ADAMTSL5: variants seen among roughly 807,000 people sequenced by gnomAD.
ADAMTSL5 encodes ADAMTS like 5.
In ADAMTSL5, 53 loss-of-function variants were observed where a neutral mutation model predicts 51.7. That is an observed-to-expected ratio of 1.03 (90% CI 0.82 to 1.29). ADAMTSL5 has a LOEUF of 1.29. Among genes scored for constraint, ADAMTSL5 ranks in the 50% most tolerant of loss-of-function variants. The pLI is 0.00. For missense variants in ADAMTSL5, 770 were observed against 676.2 expected (o/e 1.14, Z -1.54); for synonymous variants, 285 against 278.7 (o/e 1.02, Z -0.23).
At position 1,507,885 on chromosome 19, in the gene ADAMTSL5, A is replaced by C. The variant is rs570611962; in HGVS notation, c.601+113T>G. On this transcript the variant is annotated intron_variant, in intron 7 of 11. Coordinates refer to ENST00000330475, the MANE Select transcript of ADAMTSL5 (RefSeq NM_213604.3). ...TCAGTAGCCAATCAGGATGAGGAGA[A>C]AGGGGGGCTGGGCCGCACACTGGCC... The C allele has an allele frequency of 4.0e-6, 5 of 1,234,904 alleles. No homozygotes were observed. The African/African-American group carries it at 7.5e-5, about 18-fold the overall frequency. 76.5% of individuals were successfully genotyped at this position (1,234,904 alleles called of 1,614,324 possible).
chr19:1,506,123 G>A lies in ADAMTSL5; in HGVS notation c.1308C>T (p.Pro436=), dbSNP rs1294898167. 10 of 1,607,590 alleles carry A rather than the reference G, an allele frequency of 6.2e-6. No homozygotes were observed. The highest frequency in any genetic ancestry group is 2.7e-5 in the African/African-American group (2 of 74,884). The stretch of plus-strand genomic sequence containing the variant: ...GCAGCAGCTGGTCCTGTGTGCCGTC[G>A]GGGCTGACAAGACGCTGGACAGCCA... The part of the protein sequence containing the change: ...YLMAVQRLVS[P]DGTQDQLLLP... The change falls in exon 12 of 12, where the codon CCC becomes CCT. Residue 436 remains proline (P), a synonymous_variant. Coordinates refer to ENST00000330475, the MANE Select transcript of ADAMTSL5 (RefSeq NM_213604.3). This position sits in a 1 kb window ranked among gnomAD's most constrained non-coding sequence, Gnocchi z 5.6.
At position 1,506,082 on chromosome 19, in the gene ADAMTSL5, T is replaced by G; in HGVS notation, c.1349A>C (p.Tyr450Ser). 1 of 1,600,506 alleles carries G rather than the reference T, an allele frequency of 6.2e-7. No individual in the cohort carries two copies. The highest frequency in any genetic ancestry group is 8.5e-7 in the Non-Finnish European group (1 of 1,176,670). The change falls in exon 12 of 12, where the codon TAC becomes TCC. Residue 450 changes from tyrosine to serine, a missense_variant. Coordinates refer to ENST00000330475, the MANE Select transcript of ADAMTSL5 (RefSeq NM_213604.3). This position sits in a 1 kb window ranked among gnomAD's most constrained non-coding sequence, Gnocchi z 5.6. ...QDQLLLPHAG[Y>S]ARPWSPAEDS... ...CTCCGCAGGGCTCCAGGGCCGGGCG[T>G]AGCCGGCGTGGGGCAGCAGCAGCTG...
At position 1,506,786 on chromosome 19, in the gene ADAMTSL5, G is replaced by A; in HGVS notation, c.995C>T (p.Pro332Leu). ...TGCAGGGGTGACAGCAGGGGCTGCG[G>A]GGGGCTGAGGCTCCACCCCCCGGGG... ...PQPRGVEPQPPAAPAVTPAQT... is the reference protein window; with the variant it reads ...PQPRGVEPQPLAAPAVTPAQT... The change falls in exon 10 of 12, where the codon CCC becomes CTC. Residue 332 changes from proline to leucine, a missense_variant. Coordinates refer to ENST00000330475, the MANE Select transcript of ADAMTSL5 (RefSeq NM_213604.3). The surrounding 1 kb of genome is among the most constrained non-coding windows in gnomAD (Gnocchi z 5.6). 6.5e-7 allele frequency: 1 copy of A among 1,542,680 alleles called. No homozygotes were observed. The highest frequency in any genetic ancestry group is 8.7e-7 in the Non-Finnish European group (1 of 1,145,080).
In ADAMTSL5 at chr19:1,506,219, C is replaced by T. The variant is rs762178077; in HGVS notation, c.1212G>A (p.Arg404=). ...QLVYKNRSPL[R]AREYVWAPGH... ...CTGGCGCCCACACGTACTCGCGTGC[C>T]CGCAGTGGCGAGCGGTTCTTGTAGA... is the stretch of plus-strand genomic sequence containing the variant. The change falls in exon 12 of 12, where the codon CGG becomes CGA. Residue 404 remains arginine, a synonymous_variant. Transcript: ENST00000330475. This position sits in a 1 kb window ranked among gnomAD's most constrained non-coding sequence, Gnocchi z 5.6. 1 of 1,602,418 alleles carries T rather than the reference C, an allele frequency of 6.2e-7. No homozygotes were observed. Among genetic ancestry groups the T allele is most frequent in the Non-Finnish European group, 8.5e-7 (1 of 1,173,152 alleles).
chr19:1,508,430 G>C lies in ADAMTSL5; in HGVS notation c.489+13C>G. 6.5e-7 allele frequency: 1 copy of C among 1,532,884 alleles called. No individual in the cohort carries two copies. The highest frequency in any genetic ancestry group is 8.7e-7 in the Non-Finnish European group (1 of 1,144,810). The allele number at this position is 1,532,884 out of a possible 1,614,324, so 95.0% of individuals were successfully genotyped here. ...GGTGGGCGGGGCTCGGGCGGGGCCT[G>C]ACGAGTCCTTACAAGGCAGCGGCCA... On this transcript the variant is annotated intron_variant, in intron 6 of 11. Transcript: ENST00000330475.
Position 1,510,880 on chromosome 19 carries a change from C to A in ADAMTSL5, c.64G>T (p.Ala22Ser). 2 of 1,532,554 alleles carry A rather than the reference C, an allele frequency of 1.3e-6. No individual in the cohort carries two copies. The highest frequency in any genetic ancestry group is 1.3e-5 in the South Asian group (1 of 76,978). The allele number at this position is 1,532,554 out of a possible 1,614,324, so 94.9% of individuals were successfully genotyped here. The change falls in exon 2 of 12, where the codon GCC becomes TCC. Residue 22 changes from alanine to serine, a missense_variant. By Grantham distance (99) the Ala-to-Ser change is moderately conservative. Coordinates refer to ENST00000330475, the MANE Select transcript of ADAMTSL5 (RefSeq NM_213604.3). The stretch of plus-strand genomic sequence containing the variant: ...ACCCCCAAACCACAGTTCAGCAGGG[C>A]CCACAGGAAGAGCAGGAGGTTCTGG... ...LFQNLLLFLWALLNCGLGVSA... is the reference protein window; with the variant it reads ...LFQNLLLFLWSLLNCGLGVSA...
chr19:1,508,165 GGAA>G, intron 6 of ADAMTSL5, 56 bp from the exon 7 acceptor site: 1 of 1,465,284 alleles, frequency 6.8e-7, no homozygotes, highest in African/African-American at 5.9e-5. Context: ...CAGGACCTGG[GGAA>G]AGGGCAGTGC....
intron 5 of ADAMTSL5, 169 bp from the exon 6 acceptor site, chr19:1,508,739 G>A (rs265296): frequency 0.37 from 310,046 of 830,954 alleles, 60,125 homozygotes; most frequent in African/African-American, 0.48. Flanking sequence ...GGTGCTCTGC[G>A]TCCAGCAACC....
intron 5 of ADAMTSL5, chr19:1,508,782 T>C (rs1369153421): frequency 6.8e-6 from 3 of 439,800 alleles, no homozygotes; most frequent in Non-Finnish European, 1.2e-5. Context: ...TGGGGCTGCA[T>C]TCATTCATTC....
At position 1,510,211 on chromosome 19, in the gene ADAMTSL5, C is replaced by T. The variant is rs1426167612; in HGVS notation, c.300G>A (p.Leu100=). ...AVPFRDLQCA[L]YNGRPVLGTQ... is the part of the protein sequence containing the mutation. The stretch of plus-strand genomic sequence containing the variant: ...TGCCCAGGACAGGGCGGCCATTGTA[C>T]AGGGCACACTGTAGGTCTCGGAAGG... The change falls in exon 5 of 12, where the codon CTG becomes CTA. Residue 100 remains leucine, a synonymous_variant. Transcript: ENST00000330475. 1 of 1,613,342 alleles carries T rather than the reference C, an allele frequency of 6.2e-7. No homozygotes were observed.
chr19:1,507,035 C>G (rs1912971040), intron 9 of ADAMTSL5, 107 bp from the exon 10 acceptor site: 1 of 1,346,044 alleles, frequency 7.4e-7, no homozygotes, highest in South Asian at 1.3e-5. Flanking sequence ...CTGCCCCCAG[C>G]CTCCCTCCTC....
intron 3 of ADAMTSL5, 104 bp from the exon 4 acceptor site, chr19:1,510,532 G>A (rs1482441933): frequency 6.7e-7 from 1 of 1,498,658 alleles, no homozygotes; most frequent in South Asian, 1.3e-5. Flanking sequence ...AGCGGGATCA[G>A]GGGGATTAAA....
At position 1,507,358 on chromosome 19, in the gene ADAMTSL5, C is replaced by T. The variant is rs574027707; in HGVS notation, c.736G>A (p.Val246Ile). ...GCCTCGTAGGTCCCTGGTGGGCTGACCACCCAGTGCCCATTAAGCACGTAG... is the reference window on the plus strand; with the variant it reads ...GCCTCGTAGGTCCCTGGTGGGCTGATCACCCAGTGCCCATTAAGCACGTAG... ...GRYVLNGHWV[V>I]SPPGTYEAAG... Residue 246 changes from valine (V) to isoleucine (I), a missense_variant, in exon 9 of 12, where the codon GTC becomes ATC. Physicochemically the swap from Val to Ile is conservative, Grantham distance 29. Coordinates refer to ENST00000330475, the MANE Select transcript of ADAMTSL5 (RefSeq NM_213604.3). 6 of 1,582,336 alleles carry T rather than the reference C, an allele frequency of 3.8e-6. No individual in the cohort carries two copies. The South Asian group carries it at 4.6e-5, about 12-fold the overall frequency.
Position 1,505,860 on chromosome 19 carries a change from T to G in ADAMTSL5, c.*155A>C. The G allele has an allele frequency of 3.2e-6, 3 of 930,132 alleles. No homozygotes were observed. Among genetic ancestry groups the G allele is most frequent in the Non-Finnish European group, 3.0e-6 (2 of 659,968 alleles). 57.6% of individuals were successfully genotyped at this position (930,132 alleles called of 1,614,324 possible). ...CAGTGGCTTTGACTGCATGCAGAGG[T>G]GTCTTAAGCGTGTGTGGGAGGGAGT... On this transcript the variant is annotated 3_prime_UTR_variant, in exon 12 of 12. Transcript: ENST00000330475.
Position 1,506,605 on chromosome 19 carries a change from A to T in ADAMTSL5, c.1099T>A (p.Cys367Ser), listed in dbSNP as rs781224144. ...RGRAHRLLHY[C>S]GSDFVFQARV... ...GGGGTCTCACCAAAGTCACTGCCGCAATAGTGGAGTAGTCGGTGGGCGCGG... is the reference window on the plus strand; with the variant it reads ...GGGGTCTCACCAAAGTCACTGCCGCTATAGTGGAGTAGTCGGTGGGCGCGG... Residue 367 changes from cysteine (C) to serine (S), a missense_variant, in exon 11 of 12, where the codon TGC (cysteine) becomes AGC (serine). Coordinates refer to ENST00000330475, the MANE Select transcript of ADAMTSL5 (RefSeq NM_213604.3). This position sits in a 1 kb window ranked among gnomAD's most constrained non-coding sequence, Gnocchi z 5.6. 1.2e-5 allele frequency: 19 copies of T among 1,612,032 alleles called. No individual in the cohort carries two copies. Among genetic ancestry groups the T allele is most frequent in the Non-Finnish European group, 1.6e-5 (19 of 1,179,514 alleles).
At chr19:1,510,471 T>G in intron 3 of ADAMTSL5, 43 bp from the exon 4 acceptor site, 1 of 1,565,108 alleles carries the variant, frequency 6.4e-7, no homozygotes, top group Non-Finnish European at 8.6e-7. Flanking sequence ...AGGGACCCCC[T>G]CCCAGGGCTG....
Position 1,506,645 on chromosome 19 carries a change from G to A in ADAMTSL5, c.1059C>T (p.Cys353=), listed in dbSNP as rs1156414800. ...GGTGGGCGCGGCCGCGGGTGTCAGG[G>A]CAGGGTGGGCAGGGGTCTGTGGGAT... ...PTLAPDPCPP[C]PDTRGRAHRL... The change falls in exon 11 of 12, where the codon TGC becomes TGT. Residue 353 remains cysteine (C), a synonymous_variant. Coordinates refer to ENST00000330475, the MANE Select transcript of ADAMTSL5 (RefSeq NM_213604.3). The surrounding 1 kb of genome is among the most constrained non-coding windows in gnomAD (Gnocchi z 5.6). 6.2e-7 allele frequency: 1 copy of A among 1,608,258 alleles called. No individual in the cohort carries two copies. The highest frequency in any genetic ancestry group is 1.3e-5 in the African/African-American group (1 of 74,960).
chr19:1,506,308 C>T lies in ADAMTSL5; in HGVS notation c.1123G>A (p.Ala375Thr). 1 of 1,547,042 alleles carries T rather than the reference C, an allele frequency of 6.5e-7. No individual in the cohort carries two copies. Among genetic ancestry groups the T allele is most frequent in the Non-Finnish European group, 8.7e-7 (1 of 1,144,346 alleles). ...HYCGSDFVFQ[A>T]RVLGHHHQAQ... is the part of the protein sequence containing the mutation. ...TGGTGGTGGTGGCCCAGCACTCGGG[C>T]CTGGAACACTGTTGAGGGGACGTGC... is the stretch of plus-strand genomic sequence containing the variant. The change falls in exon 12 of 12, where the codon GCC becomes ACC. Residue 375 changes from alanine to threonine, a missense_variant. Transcript: ENST00000330475. The surrounding 1 kb of genome is among the most constrained non-coding windows in gnomAD (Gnocchi z 5.6).
At chr19:1,508,156 A>C (rs1913059049) in intron 6 of ADAMTSL5, 47 bp from the exon 7 acceptor site, 3 of 1,527,128 alleles carry the variant, frequency 2.0e-6, no homozygotes, top group Non-Finnish European at 2.6e-6. Flanking sequence ...TGGGAGGGGC[A>C]GGACCTGGGG....
Sources: allele counts gnomAD v4.1 joint callset, GRCh38; gene constraint gnomAD v4.1.1; non-coding constraint Gnocchi (gnomAD v3.1); transcripts MANE v1.5; gene names NCBI Gene and HGNC (gene_info 2026-07-23, HGNC 2026-07-21).